The following TRIM9 variants were observed in gnomAD, a reference collection of about 807,000 sequenced individuals.
The protein encoded by TRIM9 is tripartite motif containing 9, also known as E3 ubiquitin-protein ligase TRIM9.
TRIM9 carries 26 observed loss-of-function variants against 78.3 expected under a neutral mutation model. That is an observed-to-expected ratio of 0.33 (90% CI 0.24 to 0.46). TRIM9 has a LOEUF of 0.46. Ranked by LOEUF, TRIM9 falls within the 20% of genes least tolerant of loss-of-function variation. TRIM9 has a pLI of 1.00. For synonymous variants in TRIM9, 398 were observed against 416.5 expected, an observed-to-expected ratio of 0.96 and a Z score of 0.54; for missense variants, 787 against 1,036.4, an observed-to-expected ratio of 0.76 and a Z score of 3.30.
chr14:51,033,183 G>A (rs577729262), intron 1 of TRIM9, among the ~76,000 whole-genome samples: 13 of 152,246 alleles, frequency 8.5e-5, no homozygotes, highest in African/African-American at 2.2e-4. Flanking sequence ...TCCACCTCCC[G>A]GGTTCAAGCA....
chr14:50,978,816 CA>C, intron 12 of TRIM9: 1 of 802,058 alleles, frequency 1.2e-6, no homozygotes, highest in South Asian at 5.8e-5. Context: ...GTGCCTGGCA[CA>C]TTAAAGGCAT....
At chr14:51,093,475 C>T (rs148633050) in intron 1 of TRIM9, among the ~76,000 whole-genome samples, 54 of 152,380 alleles carry the variant, frequency 3.5e-4, no homozygotes, top group African/African-American at 1.2e-3. Flanking sequence ...CAAGCCTGCA[C>T]GTCGCGTTGC....
chr14:51,037,204 A>T (rs2059226081), intron 1 of TRIM9, among the ~76,000 whole-genome samples: 1 of 152,236 alleles, frequency 6.6e-6, no homozygotes, highest in Admixed American at 6.5e-5. Flanking sequence ...AATAACTCCG[A>T]GATCAAATAG....
At chr14:51,071,541 TGTAATCCCACCACTTTGGGAGGCCAAG>T (rs1012563038) in intron 1 of TRIM9, among the ~76,000 whole-genome samples, 1 of 152,096 alleles carries the variant, frequency 6.6e-6, no homozygotes, top group African/African-American at 2.4e-5. Flanking sequence ...GGTTTACACC[TGTAATCCCACCACTTTGGGAGGCCAAG>T]GTGGTAGGAT....
intron 1 of TRIM9, among the ~76,000 whole-genome samples, chr14:51,075,688 A>G (rs2062711355): frequency 6.6e-6 from 1 of 152,152 alleles, no homozygotes. Context: ...GAAGGCCTTG[A>G]AATAAAATGG....
chr14:51,049,427 G>A (rs2140060046), intron 1 of TRIM9, among the ~76,000 whole-genome samples: 1 of 152,282 alleles, frequency 6.6e-6, no homozygotes, highest in African/African-American at 2.4e-5. Context: ...CTACAGGGCT[G>A]CCACGATTGC....
chr14:51,046,065 G>A (rs780907368), intron 1 of TRIM9, among the ~76,000 whole-genome samples: 1 of 151,552 alleles, frequency 6.6e-6, no homozygotes, highest in Non-Finnish European at 1.5e-5. Context: ...ATTGCAATAC[G>A]ATAGAGAGGT....
intron 8 of TRIM9, among the ~76,000 whole-genome samples, 182 bp from the exon 9 acceptor site, chr14:50,983,603 A>G (rs1003971336): frequency 6.6e-6 from 1 of 152,228 alleles, no homozygotes; most frequent in African/African-American, 2.4e-5. Context: ...CTCTTTCAAA[A>G]TGAAAAGCAC....
At chr14:51,001,706 T>A (rs2055073397) in intron 5 of TRIM9, among the ~76,000 whole-genome samples, 1 of 152,032 alleles carries the variant, frequency 6.6e-6, no homozygotes, top group Non-Finnish European at 1.5e-5. Flanking sequence ...GCTACAACAG[T>A]GGATTTTTGA....
chr14:51,050,051 T>G (rs1421214525), intron 1 of TRIM9, among the ~76,000 whole-genome samples: 1 of 151,946 alleles, frequency 6.6e-6, no homozygotes, highest in East Asian at 1.9e-4. Context: ...CGTGAGACAG[T>G]TTTTAGTGGG....
rs553176256 is a variant in TRIM9 at position 51,060,324 on chromosome 14, T to C, written c.822+33794A>G. 9.5e-4 allele frequency among the ~76,000 whole-genome samples: 144 copies of C among 152,332 alleles called. 1 individual carries two copies. The highest frequency in any genetic ancestry group is 3.4e-3 in the African/African-American group (140 of 41,580). On this transcript the variant is annotated intron_variant, in intron 1 of 12. Coordinates refer to ENST00000684578, the MANE Select transcript of TRIM9 (RefSeq NM_001387360.1). ...TAGCTAACCCTTTACTCCCTCAGTA[T>C]TCCTTAGGGCAGCATCCTAACATTC...
chr14:50,988,384 A>G (rs8007373), intron 7 of TRIM9: 131,980 of 152,024 alleles, frequency 0.87, 57,679 homozygotes, highest in African/African-American at 0.95. Flanking sequence ...GTAGGTGATG[A>G]CACCCCTTTA....
intron 1 of TRIM9, among the ~76,000 whole-genome samples, chr14:51,060,623 C>A (rs191724926): frequency 6.6e-5 from 10 of 152,278 alleles, no homozygotes; most frequent in Non-Finnish European, 1.0e-4. Context: ...CCTGCCACCA[C>A]GCCCGGCTAA....
intron 1 of TRIM9, among the ~76,000 whole-genome samples, chr14:51,044,626 G>T (rs1175999843): frequency 6.6e-6 from 1 of 152,178 alleles, no homozygotes; most frequent in African/African-American, 2.4e-5. Flanking sequence ...GCCAAGGATT[G>T]TGGACCAGGA....
intron 1 of TRIM9, among the ~76,000 whole-genome samples, chr14:51,045,167 G>A (rs533326820): frequency 5.8e-4 from 89 of 152,318 alleles, no homozygotes; most frequent in South Asian, 2.5e-3. Context: ...GTGAGCTGGC[G>A]TCTGTGATGA....
chr14:50,980,643 C>T lies in TRIM9; in HGVS notation c.2163-1094G>A, dbSNP rs566609415. Among the ~76,000 whole-genome samples the T allele has an allele frequency of 5.3e-4, 80 of 152,292 alleles. 1 individual carries two copies. Among genetic ancestry groups the T allele is most frequent in the Non-Finnish European group, 9.7e-4 (66 of 68,020 alleles). On this transcript the variant is annotated intron_variant, in intron 11 of 12. Transcript: ENST00000684578. ...TCACTCCTGCACTTCAAAACAAAGA[C>T]GCTAAAAGGGAAAAAGTAAGTGTGG...
chr14:51,087,781 A>G (rs995888791), intron 1 of TRIM9, among the ~76,000 whole-genome samples: 5 of 152,182 alleles, frequency 3.3e-5, no homozygotes, highest in Non-Finnish European at 7.4e-5. Context: ...AGCTTTTCAT[A>G]TTGTCTTTTT....
chr14:51,045,932 GAAA>G (rs1006481437), intron 1 of TRIM9, among the ~76,000 whole-genome samples: 1 of 148,294 alleles, frequency 6.7e-6, no homozygotes, highest in South Asian at 2.1e-4. Context: ...TCCATCAACA[GAAA>G]AAAAAAGATA....
chr14:51,015,181 G>C (rs55769522), intron 3 of TRIM9, among the ~76,000 whole-genome samples: 2 of 152,170 alleles, frequency 1.3e-5, no homozygotes, highest in Non-Finnish European at 2.9e-5. Flanking sequence ...AGAGTCTGAA[G>C]GACTGTTGTG....
Sources: gnomAD v4.1 joint callset for allele counts (sites outside exome capture counted in the v4.1 genomes callset) on GRCh38, gnomAD v4.1.1 for gene constraint, MANE v1.5 for transcripts, NCBI Gene and HGNC (gene_info 2026-07-23, HGNC 2026-07-21) for gene names.